The following GPHN variants were observed in gnomAD, a reference collection of about 807,000 sequenced individuals.
GPHN encodes the protein gephyrin.
GPHN carries 17 observed loss-of-function variants against 95.5 expected under a neutral mutation model. The ratio of observed to expected loss-of-function variants is 0.18; its 90% CI spans 0.12 to 0.27. The LOEUF is 0.27. GPHN is among the 10% of genes least tolerant of loss of function. The pLI is 1.00. For synonymous variants in GPHN, 320 were observed against 322.5 expected (o/e 0.99, Z 0.08); for missense variants, 660 against 978.1 (o/e 0.67, Z 4.34).
At chr14:66,572,914 G>T (rs553360359) in intron 1 of GPHN, among the ~76,000 whole-genome samples, 1 of 152,110 alleles carries the variant, frequency 6.6e-6, no homozygotes. Flanking sequence ...GGTCTTTATT[G>T]TGTTGTGGTG....
the GPHN span, among the ~76,000 whole-genome samples, chr14:67,429,364 A>G: frequency 8.6e-5 from 13 of 151,442 alleles, no homozygotes; most frequent in Admixed American, 8.5e-4. Flanking sequence ...CTGAGTAGCT[A>G]GGATTACAGG....
chr14:67,523,240 C>T, the GPHN span, among the ~76,000 whole-genome samples: 2 of 151,432 alleles, frequency 1.3e-5, no homozygotes, highest in Non-Finnish European at 2.9e-5. Flanking sequence ...GGGAGAATTG[C>T]TTGAATCCAG....
At chr14:67,648,195 C>T in the GPHN span, 8 of 1,609,710 alleles carry the variant, frequency 5.0e-6, no homozygotes, top group South Asian at 8.8e-5. Context: ...TATGTAGCAA[C>T]CAGGTCTGCA....
chr14:67,275,950 T>C, the GPHN span, among the ~76,000 whole-genome samples: 8 of 152,216 alleles, frequency 5.3e-5, no homozygotes, highest in African/African-American at 1.9e-4. Context: ...TGTATTTCTG[T>C]GGGGTTGGTG....
the GPHN span, among the ~76,000 whole-genome samples, chr14:67,415,706 A>G: frequency 6.6e-6 from 1 of 152,238 alleles, no homozygotes; most frequent in African/African-American, 2.4e-5. Flanking sequence ...TATTCACAAT[A>G]GCAAAGACAT....
chr14:66,940,230 GA>G (rs113466568), intron 8 of GPHN, among the ~76,000 whole-genome samples: 36 of 144,784 alleles, frequency 2.5e-4, no homozygotes, highest in Admixed American at 3.4e-4. Flanking sequence ...AAGGAAAAAG[GA>G]AAAAAAAAAA....
the GPHN span, among the ~76,000 whole-genome samples, chr14:67,507,582 G>C: frequency 6.6e-6 from 1 of 152,048 alleles, no homozygotes; most frequent in African/African-American, 2.4e-5. Context: ...CCAAGGAACT[G>C]GGAGTACAGA....
At chr14:67,577,740 G>T in the GPHN span, among the ~76,000 whole-genome samples, 2 of 152,162 alleles carry the variant, frequency 1.3e-5, no homozygotes, top group Non-Finnish European at 2.9e-5. Context: ...CATGTCCTTT[G>T]TGAATGTTTG....
intron 1 of GPHN, among the ~76,000 whole-genome samples, chr14:66,510,042 A>G (rs2057978402): frequency 6.6e-6 from 1 of 152,196 alleles, no homozygotes; most frequent in Admixed American, 6.5e-5. Context: ...GGATAGAGAA[A>G]CTAGTCTAAA....
chr14:67,473,401 C>A, the GPHN span: 1 of 1,608,984 alleles, frequency 6.2e-7, no homozygotes, highest in Middle Eastern at 1.8e-4. This position sits in a 1 kb window ranked among gnomAD's most constrained non-coding sequence, Gnocchi z 6.5. Context: ...GATCCCCAGG[C>A]CCCCCACCCG....
At chr14:67,678,420 G>C in the GPHN span, 1 of 1,608,368 alleles carries the variant, frequency 6.2e-7, no homozygotes, top group Non-Finnish European at 8.5e-7. Context: ...CCACATGACA[G>C]TCACTGGAAG....
At chr14:66,876,003 G>A (rs2063647932) in intron 4 of GPHN, among the ~76,000 whole-genome samples, 1 of 152,124 alleles carries the variant, frequency 6.6e-6, no homozygotes, top group Non-Finnish European at 1.5e-5. Flanking sequence ...ATAATTGGAA[G>A]TAAAACATTC....
chr14:67,698,003 G>A, the GPHN span, among the ~76,000 whole-genome samples: 1 of 152,034 alleles, frequency 6.6e-6, no homozygotes, highest in Non-Finnish European at 1.5e-5. Flanking sequence ...TTACACTAGG[G>A]ACAGTAAATA....
the GPHN span, among the ~76,000 whole-genome samples, chr14:67,344,068 C>T: frequency 8.5e-5 from 13 of 152,186 alleles, no homozygotes; most frequent in Non-Finnish European, 1.5e-4. Context: ...TAATATGCAA[C>T]CTACTGACGC....
intron 2 of GPHN, among the ~76,000 whole-genome samples, chr14:66,775,140 G>A (rs1240549347): frequency 6.6e-6 from 1 of 151,806 alleles, no homozygotes; most frequent in African/African-American, 2.4e-5. Context: ...AATAAGCATA[G>A]TTTTTGGATC....
At chr14:67,518,762 G>A in the GPHN span, among the ~76,000 whole-genome samples, 3 of 152,216 alleles carry the variant, frequency 2.0e-5, no homozygotes, top group African/African-American at 7.2e-5. Context: ...ATGCTTGTTA[G>A]AGAGAATTGG....
At chr14:66,753,605 A>C (rs2153449086) in intron 2 of GPHN, among the ~76,000 whole-genome samples, 1 of 152,226 alleles carries the variant, frequency 6.6e-6, no homozygotes, top group East Asian at 1.9e-4. Context: ...CCAACAGGAA[A>C]ACTGCTTGCA....
the GPHN span, among the ~76,000 whole-genome samples, chr14:67,596,518 T>A: frequency 6.6e-6 from 1 of 152,066 alleles, no homozygotes; most frequent in African/African-American, 2.4e-5. Flanking sequence ...AATTTTGGAC[T>A]GCATTCCTTG....
chr14:67,478,185 G>A, the GPHN span, among the ~76,000 whole-genome samples: 2 of 152,368 alleles, frequency 1.3e-5, no homozygotes, highest in South Asian at 4.1e-4. Context: ...CCGGGGCCCA[G>A]TGGACTTGCC....
Sources: gnomAD v4.1 joint callset for allele counts (sites outside exome capture counted in the v4.1 genomes callset) on GRCh38, gnomAD v4.1.1 for gene constraint, Gnocchi (gnomAD v3.1) non-coding constraint, MANE v1.5 for transcripts, NCBI Gene and HGNC (gene_info 2026-07-23, HGNC 2026-07-21) for gene names.